TRIOBP: variants seen among roughly 807,000 people sequenced by gnomAD.
TRIOBP encodes the protein TRIO and F-actin binding protein, also known as TRIO and F-actin-binding protein.
In TRIOBP, 169 loss-of-function variants were observed where a neutral mutation model predicts 238.8. The ratio of observed to expected loss-of-function variants is 0.71; its 90% CI spans 0.62 to 0.80. The LOEUF is 0.80. TRIOBP is among the 30% of genes least tolerant of loss of function. The probability of loss-of-function intolerance (pLI) is 0.00; values close to 1 mark genes in which losing one functional copy is unlikely to be tolerated. For synonymous variants in TRIOBP, 1,150 were observed against 1,274.4 expected (o/e 0.90, Z 2.08); for missense variants, 2,838 against 3,122.6 (o/e 0.91, Z 2.17).
rs1179512133 is a variant in TRIOBP, at chr22:37,701,290, C to T, written c.-60-16C>T. Reference sequence around the variant, plus strand: ...AGCCAGTCATCTGGTCTTTGCCTCCCCCTCATTTTTGCCAGGCCTCACATA... The same window carrying T: ...AGCCAGTCATCTGGTCTTTGCCTCCTCCTCATTTTTGCCAGGCCTCACATA... On this transcript the variant is annotated splice_polypyrimidine_tract_variant and intron_variant, in intron 2 of 23. Coordinates refer to ENST00000644935, the MANE Select transcript of TRIOBP (RefSeq NM_001039141.3). 5 of 1,173,790 alleles carry T rather than the reference C, an allele frequency of 4.3e-6. No homozygotes were observed. The highest frequency in any genetic ancestry group is 4.0e-5 in the Admixed American group (2 of 50,614). 72.7% of individuals were successfully genotyped at this position (1,173,790 alleles called of 1,614,324 possible).
At chr22:37,729,923 T>C (rs1012273634) in intron 7 of TRIOBP, among the ~76,000 whole-genome samples, 2 of 152,210 alleles carry the variant, frequency 1.3e-5, no homozygotes, top group Admixed American at 1.3e-4. Flanking sequence ...TGTGCTTTTA[T>C]TTTCTCCTAT....
At chr22:37,770,324 CCT>C (rs1440877087) in intron 21 of TRIOBP, among the ~76,000 whole-genome samples, 1 of 150,382 alleles carries the variant, frequency 6.6e-6, no homozygotes, top group Non-Finnish European at 1.5e-5. Context: ...GTGGCGGGTG[CCT>C]GTAGTCCCAG....
chr22:37,742,123 A>C (rs1279176758), intron 11 of TRIOBP, among the ~76,000 whole-genome samples: 1 of 151,394 alleles, frequency 6.6e-6, no homozygotes, highest in Admixed American at 6.6e-5. Context: ...GCACCCGGCT[A>C]ATTTTTTGTA....
intron 3 of TRIOBP, among the ~76,000 whole-genome samples, chr22:37,705,937 T>G (rs751106144): frequency 2.6e-5 from 4 of 151,980 alleles, no homozygotes; most frequent in Non-Finnish European, 5.9e-5. Context: ...TCACAGTCAC[T>G]CTGATTGCTG....
intron 3 of TRIOBP, among the ~76,000 whole-genome samples, chr22:37,708,731 C>T (rs1207361782): frequency 1.3e-5 from 2 of 152,140 alleles, no homozygotes; most frequent in East Asian, 1.9e-4. Context: ...AACAATGCTC[C>T]GAAAGGGGAA....
rs1601621228 is a variant in TRIOBP at position 37,710,577 on chromosome 22, T to A, written c.254+11T>A. 1 of 1,607,122 alleles carries A rather than the reference T, an allele frequency of 6.2e-7. No individual in the cohort carries two copies. Among genetic ancestry groups the A allele is most frequent in the Non-Finnish European group, 8.5e-7 (1 of 1,178,682 alleles). On this transcript the variant is annotated intron_variant, in intron 4 of 23. Coordinates refer to ENST00000644935, the MANE Select transcript of TRIOBP (RefSeq NM_001039141.3). ...GCCAGGGCCCAAGAGGTGGGTAGAGTCCCAGGGCCCAGGAAGGGCTTCATG... is the reference window on the plus strand; with the variant it reads ...GCCAGGGCCCAAGAGGTGGGTAGAGACCCAGGGCCCAGGAAGGGCTTCATG...
intron 12 of TRIOBP, 88 bp from the exon 13 acceptor site, chr22:37,754,789 T>TC: frequency 7.3e-7 from 1 of 1,368,736 alleles, no homozygotes; most frequent in South Asian, 1.2e-5. Flanking sequence ...TCCCCACCCC[T>TC]CCTGTGTGCA....
In TRIOBP at chr22:37,723,689, C is replaced by A. The variant is rs779611762; in HGVS notation, c.1133C>A (p.Pro378His). 3.1e-6 allele frequency: 5 copies of A among 1,614,106 alleles called. No individual in the cohort carries two copies. The highest frequency in any genetic ancestry group is 4.2e-6 in the Non-Finnish European group (5 of 1,179,986). ...FPTCTPQREN[P>H]RTPCVQQDDP... Reference sequence around the variant, plus strand: ...ACTTGTACTCCCCAGCGGGAAAACCCCAGGACACCCTGTGTCCAGCAGGAC... The same window carrying A: ...ACTTGTACTCCCCAGCGGGAAAACCACAGGACACCCTGTGTCCAGCAGGAC... The change falls in exon 7 of 24, where the codon CCC becomes CAC. Residue 378 changes from proline (P) to histidine (H), a missense_variant. Physicochemically the swap from Pro to His is moderately conservative, Grantham distance 77 (BLOSUM62 -2). Transcript: ENST00000644935.
chr22:37,773,214 TG>T (rs1926873035), intron 23 of TRIOBP, among the ~76,000 whole-genome samples: 1 of 151,900 alleles, frequency 6.6e-6, no homozygotes, highest in African/African-American at 2.4e-5. Context: ...GTTGGTTGGT[TG>T]GTTGGTTGGT....
intron 21 of TRIOBP, 25 bp downstream of exon 21, chr22:37,769,400 C>A: frequency 6.4e-7 from 1 of 1,567,050 alleles, no homozygotes; most frequent in Non-Finnish European, 8.6e-7. Flanking sequence ...TAGCACCAGG[C>A]AGCCCAGTGG....
At chr22:37,765,004 C>T (rs60518582) in intron 17 of TRIOBP, among the ~76,000 whole-genome samples, 3 of 152,148 alleles carry the variant, frequency 2.0e-5, no homozygotes, top group Non-Finnish European at 2.9e-5. Flanking sequence ...CATTCCAGGC[C>T]GGGCACAGTG....
rs114748182 is a variant in TRIOBP, at chr22:37,752,957, A to C, written c.5379+1129A>C. The stretch of plus-strand genomic sequence containing the variant: ...TGGGGCAGACCCAGGCTCAGAACTC[A>C]GCGCACCTGAGGCCCATGGAGCTCC... On this transcript the variant is annotated intron_variant, in intron 12 of 23. Coordinates refer to ENST00000644935, the MANE Select transcript of TRIOBP (RefSeq NM_001039141.3). Among the ~76,000 whole-genome samples the C allele has an allele frequency of 5.0e-3, 765 of 152,324 alleles. 11 individuals are homozygous for C. The highest frequency in any genetic ancestry group is 0.018 in the African/African-American group (731 of 41,574).
chr22:37,721,014 C>T (rs2145830055), intron 6 of TRIOBP, among the ~76,000 whole-genome samples: 1 of 143,712 alleles, frequency 7.0e-6, no homozygotes. Flanking sequence ...TGCACTACTG[C>T]ATCCGGCTAA....
Position 37,710,507 on chromosome 22 carries a change from C to T in TRIOBP, c.195C>T (p.Ser65=), listed in dbSNP as rs140723070. The change falls in exon 4 of 24, where the codon AGC becomes AGT. Residue 65 remains serine, a synonymous_variant. Transcript: ENST00000644935. ...CACCTGCCCCTGAGGACCCACTCAG[C>T]GCCTCAACCTCCGGCTGCCAGTCTG... ...RCPPAPEDPL[S]ASTSGCQSVV... is the part of the protein sequence containing the mutation. 337 of 1,612,142 alleles carry T rather than the reference C, an allele frequency of 2.1e-4. 2 individuals are homozygous for T. The highest frequency in any genetic ancestry group is 4.0e-5 in the Non-Finnish European group (47 of 1,179,788).
At chr22:37,710,280 T>C in intron 3 of TRIOBP, 147 bp from the exon 4 acceptor site, 1 of 1,269,102 alleles carries the variant, frequency 7.9e-7, no homozygotes, top group South Asian at 1.3e-5. Flanking sequence ...CAAGGGGTGC[T>C]TCTAGCCTGA....
intron 11 of TRIOBP, 28 bp from the exon 12 acceptor site, chr22:37,751,744 A>G (rs1925617391): frequency 1.2e-6 from 2 of 1,613,584 alleles, no homozygotes; most frequent in East Asian, 2.2e-5. Context: ...GCTGGACCCA[A>G]CTCACCTCCC....
rs759666999 is a variant in TRIOBP, at chr22:37,725,577, T to C, written c.3021T>C (p.Pro1007=). 6.2e-7 allele frequency: 1 copy of C among 1,613,828 alleles called. No individual in the cohort carries two copies. Among genetic ancestry groups the C allele is most frequent in the South Asian group, 1.1e-5 (1 of 91,076 alleles). ...CCTATGGGGCTCCCCTGACCTCTCC[T>C]GAGCCCTCCCAGCCTCCATGTGCTG... ...PAAYGAPLTS[P]EPSQPPCAVC... is the part of the protein sequence containing the mutation. Residue 1007 remains proline, a synonymous_variant, in exon 7 of 24, where the codon CCT becomes CCC. Transcript: ENST00000644935.
intron 7 of TRIOBP, 180 bp downstream of exon 7, chr22:37,726,683 T>TG (rs1924186920): frequency 1.5e-6 from 1 of 657,768 alleles, no homozygotes; most frequent in African/African-American, 1.9e-5. Context: ...GTTTTCTGTT[T>TG]TGTGTGTGTG....
Position 37,751,327 on chromosome 22 carries a change from G to A in TRIOBP, c.5323-445G>A, listed in dbSNP as rs534279838. ...GAGCCGAGGAAAGGACAGGACTGGCGGGCCCATGGGAGGGTCCGTGGGGCA... is the reference window on the plus strand; with the variant it reads ...GAGCCGAGGAAAGGACAGGACTGGCAGGCCCATGGGAGGGTCCGTGGGGCA... On this transcript the variant is annotated intron_variant, in intron 11 of 23. Coordinates refer to ENST00000644935, the MANE Select transcript of TRIOBP (RefSeq NM_001039141.3). 8.7e-4 allele frequency: 292 copies of A among 336,372 alleles called. 3 individuals carry two copies. Among genetic ancestry groups the A allele is most frequent in the South Asian group, 6.5e-3 (270 of 41,842 alleles). 20.8% of individuals were successfully genotyped at this position (336,372 alleles called of 1,614,324 possible).
Sources: gnomAD v4.1 joint callset for allele counts (sites outside exome capture counted in the v4.1 genomes callset) on GRCh38, gnomAD v4.1.1 for gene constraint, MANE v1.5 for transcripts, NCBI Gene and HGNC (gene_info 2026-07-23, HGNC 2026-07-21) for gene names.